Variants in XRCC5 observed in about 807,000 individuals in gnomAD.
XRCC5 encodes the protein X-ray repair cross complementing 5.
Under a neutral mutation model 95.7 loss-of-function variants are expected in XRCC5, and 12 were observed. That is an observed-to-expected ratio of 0.13 (90% CI 0.08 to 0.20). XRCC5 has a LOEUF of 0.20. XRCC5 is among the 10% of genes least tolerant of loss of function. The pLI is 1.00. For synonymous variants in XRCC5, 281 were observed against 290.3 expected, an observed-to-expected ratio of 0.97 and a Z score of 0.33; for missense variants, 595 against 873.9, an observed-to-expected ratio of 0.68 and a Z score of 4.02.
intron 19 of XRCC5, among the ~76,000 whole-genome samples, chr2:216,199,654 G>C (rs945627847): frequency 6.6e-6 from 1 of 152,046 alleles, no homozygotes; most frequent in African/African-American, 2.4e-5. Flanking sequence ...AGTTCTCCTG[G>C]CTCTGTAGTG....
rs1427301973 is a variant in XRCC5 at position 216,192,741 on chromosome 2, T to C, written c.2041+6T>C. On this transcript the variant is annotated splice_donor_region_variant and intron_variant, in intron 18 of 20. Transcript: ENST00000392132. ...CTGGGAAATTGTTGTCCAGGGTAAG[T>C]TGTCATTTGCCTTTTTTTTTAAAAA... The C allele has an allele frequency of 3.2e-6, 5 of 1,561,586 alleles. No individual in the cohort carries two copies. Among genetic ancestry groups the C allele is most frequent in the Non-Finnish European group, 3.5e-6 (4 of 1,156,770 alleles).
intron 19 of XRCC5, among the ~76,000 whole-genome samples, chr2:216,200,976 A>G (rs1175946075): frequency 2.0e-5 from 3 of 152,214 alleles, no homozygotes; most frequent in Non-Finnish European, 1.5e-5. Context: ...TAGAACATGA[A>G]ACTTACAATA....
At chr2:216,163,368 T>G (rs1390608724) in intron 16 of XRCC5, among the ~76,000 whole-genome samples, 1 of 152,054 alleles carries the variant, frequency 6.6e-6, no homozygotes, top group Non-Finnish European at 1.5e-5. Flanking sequence ...CAGGCTGGAG[T>G]GCAGTGGTGA....
chr2:216,111,698 G>C (rs1696593800), intron 1 of XRCC5, among the ~76,000 whole-genome samples: 1 of 152,092 alleles, frequency 6.6e-6, no homozygotes, highest in African/African-American at 2.4e-5. Flanking sequence ...TAAGATGTTA[G>C]CCCAGAACTG....
At chr2:216,141,046 G>A (rs969648999) in intron 12 of XRCC5, 140 bp from the exon 13 acceptor site, 27 of 904,284 alleles carry the variant, frequency 3.0e-5, no homozygotes, top group African/African-American at 1.0e-4. Context: ...GGTTAAATAC[G>A]TGCATAGCTA....
At chr2:216,168,404 T>C (rs924980958) in intron 16 of XRCC5, among the ~76,000 whole-genome samples, 2 of 152,132 alleles carry the variant, frequency 1.3e-5, no homozygotes, top group Non-Finnish European at 2.9e-5. Flanking sequence ...GATGAAATCA[T>C]TGAAATAGAG....
intron 2 of XRCC5, among the ~76,000 whole-genome samples, chr2:216,115,593 C>T (rs919467026): frequency 2.6e-5 from 4 of 152,168 alleles, no homozygotes; most frequent in Non-Finnish European, 5.9e-5. Context: ...TGAAGAATGA[C>T]AGAATTCCAT....
intron 16 of XRCC5, among the ~76,000 whole-genome samples, chr2:216,181,280 A>T (rs1450885506): frequency 4.6e-5 from 7 of 152,156 alleles, no homozygotes. Context: ...TCCTTCATTA[A>T]TAACCTTCAA....
At chr2:216,116,326 T>G (rs1696695509) in intron 2 of XRCC5, among the ~76,000 whole-genome samples, 1 of 152,184 alleles carries the variant, frequency 6.6e-6, no homozygotes, top group South Asian at 2.1e-4. Context: ...AAAGACATAC[T>G]AAAATCTTTT....
chr2:216,113,188 C>A (rs1696622120), intron 2 of XRCC5, 59 bp downstream of exon 2: 12 of 1,414,610 alleles, frequency 8.5e-6, no homozygotes, highest in African/African-American at 5.6e-5. Context: ...GTTGCCTCTA[C>A]CTACTAATGC....
At position 216,130,061 on chromosome 2, in the gene XRCC5, G is replaced by A. The variant is rs146821978; in HGVS notation, c.938-814G>A. 3.6e-3 allele frequency among the ~76,000 whole-genome samples: 555 copies of A among 152,178 alleles called. 5 individuals are homozygous for A. Among genetic ancestry groups the A allele is most frequent in the African/African-American group, 0.013 (526 of 41,542 alleles). Reference sequence around the variant, plus strand: ...ACACTAGATCACAGAATCTGTCCCTGGATATGAAAGTTTTATTGTGTCTTG... The same window carrying A: ...ACACTAGATCACAGAATCTGTCCCTAGATATGAAAGTTTTATTGTGTCTTG... On this transcript the variant is annotated intron_variant, in intron 8 of 20. Transcript: ENST00000392132.
intron 16 of XRCC5, among the ~76,000 whole-genome samples, chr2:216,170,655 C>A (rs1001325633): frequency 6.6e-6 from 1 of 152,214 alleles, no homozygotes; most frequent in South Asian, 2.1e-4. Flanking sequence ...CAAACCATAT[C>A]ATTTCAGCTT....
intron 16 of XRCC5, among the ~76,000 whole-genome samples, chr2:216,173,641 G>A (rs1044316119): frequency 3.9e-5 from 6 of 152,156 alleles, no homozygotes; most frequent in Non-Finnish European, 7.3e-5. Flanking sequence ...TTTATGTGTT[G>A]GAAACTTAAT....
At chr2:216,183,956 A>G (rs1689440923) in intron 16 of XRCC5, among the ~76,000 whole-genome samples, 1 of 152,096 alleles carries the variant, frequency 6.6e-6, no homozygotes, top group African/African-American at 2.4e-5. Flanking sequence ...GAATACCAAG[A>G]GCAAAGAGCA....
intron 14 of XRCC5, among the ~76,000 whole-genome samples, chr2:216,154,530 C>T (rs537375207): frequency 6.6e-6 from 1 of 152,270 alleles, no homozygotes; most frequent in South Asian, 2.1e-4. Context: ...TCACTAATTT[C>T]CCTAATTTGT....
At chr2:216,116,553 G>T in intron 2 of XRCC5, 106 bp from the exon 3 acceptor site, 1 of 1,268,044 alleles carries the variant, frequency 7.9e-7, no homozygotes, top group Non-Finnish European at 1.1e-6. Context: ...TGGCCCCAGG[G>T]ACCTGCCATA....
chr2:216,135,958 A>C (rs1697067846), intron 10 of XRCC5, among the ~76,000 whole-genome samples: 1 of 152,164 alleles, frequency 6.6e-6, no homozygotes, highest in African/African-American at 2.4e-5. Flanking sequence ...TGTCGTGGTG[A>C]ATGTGAACAG....
At position 216,148,071 on chromosome 2, in the gene XRCC5, T is replaced by C. The variant is rs778675308; in HGVS notation, c.1477-12T>C. 1.3e-6 allele frequency: 2 copies of C among 1,596,082 alleles called. No homozygotes were observed. The highest frequency in any genetic ancestry group is 1.7e-6 in the Non-Finnish European group (2 of 1,175,574). ...TCCATCTGTGTTTTAAAATCCTTACTTTTTCCAACAGTGTCTGCTGCACAG... is the reference window on the plus strand; with the variant it reads ...TCCATCTGTGTTTTAAAATCCTTACCTTTTCCAACAGTGTCTGCTGCACAG... On this transcript the variant is annotated splice_polypyrimidine_tract_variant and intron_variant, in intron 13 of 20. Coordinates refer to ENST00000392132, the MANE Select transcript of XRCC5 (RefSeq NM_021141.4).
At chr2:216,157,936 A>G (rs748612179) in intron 14 of XRCC5, among the ~76,000 whole-genome samples, 1 of 152,240 alleles carries the variant, frequency 6.6e-6, no homozygotes, top group South Asian at 2.1e-4. Flanking sequence ...CATAGAGATT[A>G]TGAATTTAGT....
Sources: allele counts gnomAD v4.1 joint callset (sites outside exome capture counted in the v4.1 genomes callset), GRCh38; gene constraint gnomAD v4.1.1; transcripts MANE v1.5; gene names NCBI Gene and HGNC (gene_info 2026-07-23, HGNC 2026-07-21).